The following AATF variants were observed in gnomAD, a reference collection of about 807,000 sequenced individuals.
AATF encodes apoptosis antagonizing transcription factor.
AATF carries 48 observed loss-of-function variants against 63.7 expected under a neutral mutation model. That is an observed-to-expected ratio of 0.75 (90% CI 0.60 to 0.96). The LOEUF (loss-of-function observed/expected upper bound fraction) is 0.96. Ranked by LOEUF, AATF falls within the 40% of genes least tolerant of loss-of-function variation. The pLI is 0.00. For missense variants in AATF, 639 were observed against 685.7 expected, an observed-to-expected ratio of 0.93 and a Z score of 0.76; for synonymous variants, 258 against 247.7, an observed-to-expected ratio of 1.04 and a Z score of -0.39.
intron 4 of AATF, among the ~76,000 whole-genome samples, chr17:36,968,299 T>C (rs1234413314): frequency 7.6e-6 from 1 of 132,176 alleles, no homozygotes; most frequent in Non-Finnish European, 1.6e-5. Context: ...TTTTTTTTTT[T>C]TGAGATAGGC....
chr17:37,052,512 T>C (rs974373023), intron 11 of AATF: 1 of 152,216 alleles, frequency 6.6e-6, no homozygotes, highest in Non-Finnish European at 1.5e-5. Context: ...GACACCTGCC[T>C]AGGTTTGAGG....
chr17:37,000,585 G>A (rs1321008427), intron 8 of AATF, among the ~76,000 whole-genome samples: 1 of 152,140 alleles, frequency 6.6e-6, no homozygotes, highest in African/African-American at 2.4e-5. Context: ...TATTTTTGGA[G>A]TTCATGGGAA....
chr17:37,025,496 G>C (rs535277344), intron 10 of AATF, among the ~76,000 whole-genome samples: 46 of 152,248 alleles, frequency 3.0e-4, no homozygotes, highest in African/African-American at 9.6e-4. Context: ...GGCCATTGAC[G>C]GGGGAGGGCA....
chr17:37,007,392 C>T (rs1239613573), intron 8 of AATF, among the ~76,000 whole-genome samples: 2 of 126,878 alleles, frequency 1.6e-5, no homozygotes, highest in African/African-American at 6.1e-5. Flanking sequence ...TTTTTAGCGA[C>T]AGGTTCTCAC....
intron 8 of AATF, among the ~76,000 whole-genome samples, chr17:37,011,009 G>A (rs1688050455): frequency 1.3e-5 from 2 of 152,166 alleles, no homozygotes; most frequent in South Asian, 4.1e-4. Context: ...GTAAATGAGA[G>A]GAAATCATTA....
chr17:37,025,126 G>C (rs1263025727), intron 10 of AATF, among the ~76,000 whole-genome samples: 1 of 152,178 alleles, frequency 6.6e-6, no homozygotes, highest in Admixed American at 6.5e-5. Flanking sequence ...GAGAAGGTTG[G>C]AATGACTCCC....
At chr17:37,003,184 C>T (rs755206224) in intron 8 of AATF, among the ~76,000 whole-genome samples, 16 of 152,064 alleles carry the variant, frequency 1.1e-4, no homozygotes, top group South Asian at 2.1e-4. Flanking sequence ...AGTACCAAGA[C>T]GATTCAGTGG....
At chr17:36,984,422 G>A (rs2071151081) in intron 4 of AATF, among the ~76,000 whole-genome samples, 1 of 152,172 alleles carries the variant, frequency 6.6e-6, no homozygotes, top group South Asian at 2.1e-4. Flanking sequence ...GAAGAAAAAA[G>A]TTCTGTTTCT....
chr17:37,037,953 C>T (rs1183334679), intron 11 of AATF, among the ~76,000 whole-genome samples: 1 of 152,166 alleles, frequency 6.6e-6, no homozygotes, highest in African/African-American at 2.4e-5. Flanking sequence ...TGTGAGGCAT[C>T]TGCTCCCCCT....
chr17:37,010,690 G>A (rs1199184959), intron 8 of AATF, among the ~76,000 whole-genome samples: 1 of 152,160 alleles, frequency 6.6e-6, no homozygotes, highest in Admixed American at 6.5e-5. Context: ...GTTAAGAAAG[G>A]TTTCCCTCAG....
chr17:37,036,703 T>C (rs979246671), intron 11 of AATF, among the ~76,000 whole-genome samples: 8 of 152,198 alleles, frequency 5.3e-5, no homozygotes, highest in Admixed American at 2.0e-4. Context: ...ATGTTGGATA[T>C]TGATTTAATG....
In AATF at chr17:36,949,017, C is replaced by A. The variant is rs1021590134; in HGVS notation, c.-109C>A. 1.9e-6 allele frequency: 2 copies of A among 1,071,348 alleles called. No individual in the cohort carries two copies. The highest frequency in any genetic ancestry group is 2.2e-5 in the Admixed American group (1 of 45,578). The allele number at this position is 1,071,348 out of a possible 1,614,324, so 66.4% of individuals were successfully genotyped here. ...GCCTCCGCGCGGTCTCTGGCGGAGT[C>A]GGGGAATCGGATCAAGGCGAGAGGA... On this transcript the variant is annotated 5_prime_UTR_variant, in exon 1 of 12. Coordinates refer to ENST00000619387, the MANE Select transcript of AATF (RefSeq NM_012138.4).
At chr17:37,046,610 A>T (rs947736573) in intron 11 of AATF, among the ~76,000 whole-genome samples, 1 of 152,112 alleles carries the variant, frequency 6.6e-6, no homozygotes, top group Non-Finnish European at 1.5e-5. Context: ...CCTCCAACTT[A>T]TTACCAGAAG....
At chr17:36,995,219 C>T (rs920955078) in intron 8 of AATF, among the ~76,000 whole-genome samples, 1 of 152,178 alleles carries the variant, frequency 6.6e-6, no homozygotes, top group Non-Finnish European at 1.5e-5. Context: ...CTTTTGATGA[C>T]CACTTTGACG....
intron 8 of AATF, among the ~76,000 whole-genome samples, chr17:36,995,265 G>A (rs942352668): frequency 2.6e-5 from 4 of 152,176 alleles, no homozygotes; most frequent in Non-Finnish European, 4.4e-5. Flanking sequence ...ATCAGGACAT[G>A]TCTATAACTG....
chr17:36,991,355 A>T (rs971936943), intron 8 of AATF, among the ~76,000 whole-genome samples: 1 of 152,126 alleles, frequency 6.6e-6, no homozygotes, highest in Non-Finnish European at 1.5e-5. Flanking sequence ...GCAACTGTTG[A>T]TTATAATAAG....
chr17:36,975,234 T>TG (rs2071071143), intron 4 of AATF, among the ~76,000 whole-genome samples: 1 of 152,194 alleles, frequency 6.6e-6, no homozygotes, highest in African/African-American at 2.4e-5. Context: ...TGTCAATGCC[T>TG]GCAGGTCTTT....
At position 37,003,723 on chromosome 17, in the gene AATF, T is replaced by A. The variant is rs556231515; in HGVS notation, c.1398+12866T>A. On this transcript the variant is annotated intron_variant, in intron 8 of 11. Coordinates refer to ENST00000619387, the MANE Select transcript of AATF (RefSeq NM_012138.4). ...CTCAAGTGATCTGACTGCCTCAGCCTCCCAAAGTGCTGGGATTACAGGTGC... is the reference window on the plus strand; with the variant it reads ...CTCAAGTGATCTGACTGCCTCAGCCACCCAAAGTGCTGGGATTACAGGTGC... Among the ~76,000 whole-genome samples, 4 of 151,256 alleles carry A rather than the reference T, an allele frequency of 2.6e-5. No homozygotes were observed. In the East Asian group the frequency reaches 8.0e-4, roughly 30 times the overall value.
chr17:37,029,738 G>A (rs1378919755), intron 10 of AATF, among the ~76,000 whole-genome samples: 1 of 150,442 alleles, frequency 6.6e-6, no homozygotes, highest in Non-Finnish European at 1.5e-5. Flanking sequence ...GCTAATTTTT[G>A]TATTTTTAGT....
Sources: gnomAD v4.1 joint callset for allele counts (sites outside exome capture counted in the v4.1 genomes callset) on GRCh38, gnomAD v4.1.1 for gene constraint, MANE v1.5 for transcripts, NCBI Gene and HGNC (gene_info 2026-07-23, HGNC 2026-07-21) for gene names.